The following ZC3H13 variants were observed in gnomAD, a reference collection of about 807,000 sequenced individuals.
The protein encoded by ZC3H13 is zinc finger CCCH-type containing 13.
Under a neutral mutation model 204.1 loss-of-function variants are expected in ZC3H13, and 64 were observed. The observed-to-expected ratio is 0.31, with a 90% CI of 0.26 to 0.39. The LOEUF (loss-of-function observed/expected upper bound fraction) is 0.39, where lower values mean the gene tolerates loss of function less well. Among genes scored for constraint, ZC3H13 ranks in the 10% least tolerant of loss-of-function variants. The pLI is 1.00. For synonymous variants in ZC3H13, 667 were observed against 693.7 expected (o/e 0.96, Z 0.60); for missense variants, 1,833 against 2,082.7 (o/e 0.88, Z 2.33).
intron 8 of ZC3H13, among the ~76,000 whole-genome samples, chr13:45,991,416 C>T (rs1234803336): frequency 6.6e-6 from 1 of 152,186 alleles, no homozygotes; most frequent in African/African-American, 2.4e-5. Context: ...ATGGCTTCAA[C>T]TTTTTAATCA....
At chr13:46,033,144 G>A (rs953887838) in intron 4 of ZC3H13, among the ~76,000 whole-genome samples, 4 of 151,888 alleles carry the variant, frequency 2.6e-5, no homozygotes, top group Non-Finnish European at 5.9e-5. Flanking sequence ...TCATGTAAAC[G>A]TTTTATGTAA....
intron 1 of ZC3H13, among the ~76,000 whole-genome samples, chr13:46,046,068 T>C (rs2139203284): frequency 6.6e-6 from 1 of 152,310 alleles, no homozygotes; most frequent in East Asian, 1.9e-4. Flanking sequence ...GTATTTTCTT[T>C]GCCTGACAGA....
At chr13:46,032,062 C>T (rs889353649) in intron 4 of ZC3H13, among the ~76,000 whole-genome samples, 2 of 152,132 alleles carry the variant, frequency 1.3e-5, no homozygotes, top group East Asian at 3.9e-4. Context: ...ACAGAATAGC[C>T]GAACTTTACA....
chr13:45,983,467 C>T (rs1310609704), intron 10 of ZC3H13, among the ~76,000 whole-genome samples: 2 of 93,434 alleles, frequency 2.1e-5, no homozygotes, highest in Non-Finnish European at 3.9e-5. Flanking sequence ...CACTCTTTCG[C>T]CCAAGCTGGA....
At chr13:45,996,342 A>C (rs553661996) in intron 8 of ZC3H13, among the ~76,000 whole-genome samples, 1 of 152,344 alleles carries the variant, frequency 6.6e-6, no homozygotes, top group African/African-American at 2.4e-5. Context: ...TAAATACCTA[A>C]AATAAACTTA....
chr13:45,989,241 C>T, intron 8 of ZC3H13, 144 bp from the exon 9 acceptor site: 1 of 862,794 alleles, frequency 1.2e-6, no homozygotes, highest in Non-Finnish European at 1.7e-6. Context: ...CTGTAAAATT[C>T]TAAGTAAGTC....
At chr13:46,006,713 C>CATATATATATATATATATAT (rs71184435) in intron 7 of ZC3H13, among the ~76,000 whole-genome samples, 1,102 of 63,792 alleles carry the variant, frequency 0.017, 230 homozygotes, top group Non-Finnish European at 0.021. Flanking sequence ...AGTTCTTAGC[C>CATATATATATATATATATAT]ATATATATAT....
chr13:46,043,841 T>G (rs781580431), intron 3 of ZC3H13, among the ~76,000 whole-genome samples: 3 of 151,888 alleles, frequency 2.0e-5, no homozygotes, highest in African/African-American at 4.8e-5. Flanking sequence ...AAATTCTGAG[T>G]CAGCTAATAA....
rs567975142 is a variant in ZC3H13, at chr13:45,985,394, C to T, written c.1623G>A (p.Thr541=). ...RNHLREESSR[T]EIRNESRNES... ...CATTTCTGGACTCATTCCTTATTTC[C>T]GTACGAGAACTTTCTTCTCTCAAAT... The change falls in exon 10 of 19, where the codon ACG becomes ACA. Residue 541 remains threonine (T), a synonymous_variant. Coordinates refer to ENST00000679008, the MANE Select transcript of ZC3H13 (RefSeq NM_001330564.2). 69 of 1,614,166 alleles carry T rather than the reference C, an allele frequency of 4.3e-5. No individual in the cohort carries two copies. The highest frequency in any genetic ancestry group is 4.1e-4 in the South Asian group (37 of 91,082).
chr13:45,975,710 G>T lies in ZC3H13; in HGVS notation c.2041C>A (p.Arg681=). 6.2e-7 allele frequency: 1 copy of T among 1,612,588 alleles called. No homozygotes were observed. Among genetic ancestry groups the T allele is most frequent in the Non-Finnish European group, 8.5e-7 (1 of 1,179,570 alleles). ...RRDERARERD[R]ERERDRERER... is the part of the protein sequence containing the mutation. Reference sequence around the variant, plus strand: ...CGCTCCCTGTCTCGTTCTCGTTCCCGATCTCTCTCTCTAGCCCTTTCATCT... The same window carrying T: ...CGCTCCCTGTCTCGTTCTCGTTCCCTATCTCTCTCTCTAGCCCTTTCATCT... The change falls in exon 12 of 19, where the codon CGG becomes AGG. Residue 681 remains arginine, a synonymous_variant. Coordinates refer to ENST00000679008, the MANE Select transcript of ZC3H13 (RefSeq NM_001330564.2).
rs1566301655 is a variant in ZC3H13, at chr13:46,020,476, T to C, written c.421A>G (p.Asn141Asp). ...TCTCTATTAGTTTCCCATTCTACAT[T>C]TTCTTCTTCACTTTCTGGAGTTCTT... ...KERTPESEEE[N>D]VEWETNRDDS... The change falls in exon 5 of 19, where the codon AAT becomes GAT. Residue 141 changes from asparagine (N) to aspartate (D), a missense_variant. Physicochemically the swap from Asn to Asp is conservative, Grantham distance 23 (BLOSUM62 1). Around this residue, in one of 5 missense-constraint regions of ZC3H13, gnomAD observed 1,574 missense variants for 1,757.2 expected, o/e 0.90. Transcript: ENST00000679008. 1 of 1,610,764 alleles carries C rather than the reference T, an allele frequency of 6.2e-7. No homozygotes were observed. The highest frequency in any genetic ancestry group is 1.7e-5 in the Admixed American group (1 of 59,430).
At chr13:45,959,125 T>C (rs1388706205) in intron 18 of ZC3H13, among the ~76,000 whole-genome samples, 1 of 152,148 alleles carries the variant, frequency 6.6e-6, no homozygotes, top group African/African-American at 2.4e-5. Context: ...CTTCCAACTT[T>C]GTATATTCTC....
chr13:46,020,749 T>A (rs1220385859), intron 4 of ZC3H13, among the ~76,000 whole-genome samples, 192 bp from the exon 5 acceptor site: 1 of 152,056 alleles, frequency 6.6e-6, no homozygotes, highest in Non-Finnish European at 1.5e-5. Context: ...AAGACTATAC[T>A]CCATTTTACT....
At chr13:45,963,077 A>T (rs1397636677) in intron 17 of ZC3H13, 1 of 983,938 alleles carries the variant, frequency 1.0e-6, no homozygotes, top group African/African-American at 1.7e-5. Context: ...AACTGTTCTA[A>T]GTGTTTTGCC....
chr13:46,005,878 G>A (rs567378355), intron 7 of ZC3H13, among the ~76,000 whole-genome samples: 4 of 151,990 alleles, frequency 2.6e-5, no homozygotes, highest in Non-Finnish European at 5.9e-5. Context: ...CGGATCGTGA[G>A]GCGGTCAGGA....
At position 45,955,885 on chromosome 13, in the gene ZC3H13, A is replaced by G. The variant is rs1951251523; in HGVS notation, c.*1242T>C. The G allele has an allele frequency of 7.8e-6, 1 of 128,080 alleles. No homozygotes were observed. The highest frequency in any genetic ancestry group is 2.4e-4 in the South Asian group (1 of 4,232). 7.9% of individuals were successfully genotyped at this position (128,080 alleles called of 1,614,324 possible). A position where few individuals can be genotyped will look rare whatever the true frequency, so the allele number is the denominator to read the frequency against. On this transcript the variant is annotated 3_prime_UTR_variant, in exon 19 of 19. Transcript: ENST00000679008. ...ACACCACTGTCATTATGTTACCTAT[A>G]GAGACAAAACTACTAACACAAGTAA...
At chr13:46,046,242 A>G (rs910267747) in intron 1 of ZC3H13, among the ~76,000 whole-genome samples, 2 of 152,208 alleles carry the variant, frequency 1.3e-5, no homozygotes, top group African/African-American at 2.4e-5. Flanking sequence ...TAAAATTCAA[A>G]GGTGTTAAAA....
At chr13:45,957,838 T>G (rs774563189) in intron 18 of ZC3H13, among the ~76,000 whole-genome samples, 14 of 152,334 alleles carry the variant, frequency 9.2e-5, no homozygotes, top group Middle Eastern at 3.4e-3. Context: ...GCTCGAAAAC[T>G]GAATAAATCC....
At chr13:45,957,893 T>C (rs1215417608) in intron 18 of ZC3H13, among the ~76,000 whole-genome samples, 2 of 152,168 alleles carry the variant, frequency 1.3e-5, no homozygotes, top group Non-Finnish European at 2.9e-5. Context: ...AACTACTACC[T>C]CCCTTATACT....
Sources: allele counts gnomAD v4.1 joint callset (sites outside exome capture counted in the v4.1 genomes callset), GRCh38; gene constraint gnomAD v4.1.1; regional missense constraint gnomAD v4.1.1; transcripts MANE v1.5; gene names NCBI Gene and HGNC (gene_info 2026-07-23, HGNC 2026-07-21).